Variants in LRP2 observed in about 807,000 individuals in gnomAD.
The protein encoded by LRP2 is LDL receptor related protein 2.
A neutral mutation model predicts 531.0 loss-of-function variants in LRP2; 172 were observed. The observed-to-expected ratio is 0.32, with a 90% CI of 0.29 to 0.37. The LOEUF (loss-of-function observed/expected upper bound fraction) is 0.37, where lower values mean the gene tolerates loss of function less well. Among genes scored for constraint, LRP2 ranks in the 10% least tolerant of loss-of-function variants. LRP2 has a pLI of 1.00. For missense variants in LRP2, 5,167 were observed against 5,868.3 expected (o/e 0.88, Z 3.90); for synonymous variants, 1,992 against 2,027.6 (o/e 0.98, Z 0.47).
intron 1 of LRP2, among the ~76,000 whole-genome samples, chr2:169,346,925 A>G (rs1327571974): frequency 6.6e-6 from 1 of 152,182 alleles, no homozygotes; most frequent in African/African-American, 2.4e-5. Context: ...AGAAGCTTTT[A>G]AGTTCTATCT....
intron 28 of LRP2, among the ~76,000 whole-genome samples, chr2:169,236,729 C>G (rs1486486597): frequency 1.3e-5 from 2 of 152,168 alleles, no homozygotes; most frequent in African/African-American, 4.8e-5. Flanking sequence ...GCAGAAAAAT[C>G]CAGCTTTTTT....
At chr2:169,258,901 G>A in intron 17 of LRP2, 124 bp downstream of exon 17, 1 of 857,088 alleles carries the variant, frequency 1.2e-6, no homozygotes, top group East Asian at 2.6e-5. Context: ...AATTTAAGGT[G>A]ATTTCAACTT....
rs1372075873 is a variant in LRP2, at chr2:169,128,455, GATATAC to G, written c.*202_*207del. The G allele has an allele frequency of 1.9e-6, 1 of 535,828 alleles. No homozygotes were observed. The highest frequency in any genetic ancestry group is 3.3e-5 in the East Asian group (1 of 30,160). 33.2% of individuals were successfully genotyped at this position (535,828 alleles called of 1,614,324 possible). ...TACCTTCAGACAACTTCAGTGCAAA[GATATAC>G]ATATAGTACATTGTGATAATTATTT... On this transcript the variant is annotated 3_prime_UTR_variant, in exon 79 of 79. Transcript: ENST00000649046.
At chr2:169,190,782 C>T (rs1382067465) in intron 48 of LRP2, among the ~76,000 whole-genome samples, 1 of 152,198 alleles carries the variant, frequency 6.6e-6, no homozygotes, top group African/African-American at 2.4e-5. Context: ...AACTCACCTT[C>T]CACCTTGAGC....
chr2:169,225,411 C>T lies in LRP2; in HGVS notation c.5437G>A (p.Val1813Ile), dbSNP rs765184654. 6 of 1,614,094 alleles carry T rather than the reference C, an allele frequency of 3.7e-6. No individual in the cohort carries two copies. In the East Asian group the frequency reaches 1.3e-4, roughly 36 times the overall value. ...CCCACCATAGATATAGAAGCAAATA[C>T]TGTCCTGTTGGTGCCATCTGTCTTC... ...RVKTDGTNRT[V>I]FASISMVGPS... Residue 1813 changes from valine to isoleucine, a missense_variant, in exon 33 of 79, where the codon GTA (valine) becomes ATA (isoleucine). Coordinates refer to ENST00000649046, the MANE Select transcript of LRP2 (RefSeq NM_004525.3).
Position 169,231,826 on chromosome 2 carries a change from G to A in LRP2, c.5115C>T (p.Ala1705=), listed in dbSNP as rs775377117. 2.8e-5 allele frequency: 45 copies of A among 1,613,918 alleles called. No individual in the cohort carries two copies. Among genetic ancestry groups the A allele is most frequent in the Non-Finnish European group, 1.0e-5 (12 of 1,179,982 alleles). ...GGCAGAGATGGCTGCAGCGGGAAAA[G>A]GCACATGGATTCACGGCTGCATGAG... is the stretch of plus-strand genomic sequence containing the variant. ...SKQPNSVNPC[A]FSRCSHLCLL... The change falls in exon 31 of 79, where the codon GCC becomes GCT. Residue 1705 remains alanine, a synonymous_variant. Coordinates refer to ENST00000649046, the MANE Select transcript of LRP2 (RefSeq NM_004525.3).
At chr2:169,280,232 C>T in intron 11 of LRP2, 118 bp downstream of exon 11, 1 of 1,095,070 alleles carries the variant, frequency 9.1e-7, no homozygotes, top group Non-Finnish European at 1.4e-6. Context: ...CATAAAATAT[C>T]TCAAGGGCCT....
chr2:169,129,197 G>A (rs1044499559), intron 77 of LRP2, 113 bp from the exon 78 acceptor site: 4 of 782,776 alleles, frequency 5.1e-6, no homozygotes, highest in Non-Finnish European at 9.1e-6. Context: ...AAGCAATTTG[G>A]GACCTGGGAC....
chr2:169,213,798 C>A lies in LRP2; in HGVS notation c.5899G>T (p.Ala1967Ser). 6.2e-7 allele frequency: 1 copy of A among 1,613,764 alleles called. No individual in the cohort carries two copies. The highest frequency in any genetic ancestry group is 1.1e-5 in the South Asian group (1 of 91,072). ...VHQLSHPWGI[A>S]VHDSFLYYTD... ...TAATAAAGGAAAGAATCATGGACTGCAATTCCCCAGGGGTGGGAAAGCTGG... is the reference window on the plus strand; with the variant it reads ...TAATAAAGGAAAGAATCATGGACTGAAATTCCCCAGGGGTGGGAAAGCTGG... The change falls in exon 36 of 79, where the codon GCA becomes TCA. Residue 1967 changes from alanine (A) to serine (S), a missense_variant. By Grantham distance (99) the Ala-to-Ser change is moderately conservative. Coordinates refer to ENST00000649046, the MANE Select transcript of LRP2 (RefSeq NM_004525.3).
chr2:169,157,639 C>G (rs747666750), intron 63 of LRP2, 137 bp from the exon 64 acceptor site: 17 of 904,060 alleles, frequency 1.9e-5, no homozygotes, highest in Non-Finnish European at 3.0e-5. Flanking sequence ...TTGGAGAGGA[C>G]AGAGGGCACT....
chr2:169,349,625 TG>T (rs1685790915), intron 1 of LRP2, among the ~76,000 whole-genome samples: 1 of 152,156 alleles, frequency 6.6e-6, no homozygotes, highest in African/African-American at 2.4e-5. Flanking sequence ...TCAGCTCCTT[TG>T]GGGTCTGCCT....
chr2:169,185,402 C>T, intron 50 of LRP2, 101 bp downstream of exon 50: 1 of 1,127,128 alleles, frequency 8.9e-7, no homozygotes, highest in Non-Finnish European at 1.3e-6. Flanking sequence ...AATGTATCTG[C>T]ATATTAACCC....
Position 169,307,493 on chromosome 2 carries a change from A to T in LRP2, c.311-96T>A. 8 of 786,076 alleles carry T rather than the reference A, an allele frequency of 1.0e-5. No individual in the cohort carries two copies. The South Asian group carries it at 1.2e-4, about 11-fold the overall frequency. The allele number at this position is 786,076 out of a possible 1,614,324, so 48.7% of individuals were successfully genotyped here. ...AAGGATATTGGAAAGCATAAAGTTC[A>T]TAGGGACACAAGGTAAAGTACCTGG... On this transcript the variant is annotated intron_variant, in intron 3 of 78. Coordinates refer to ENST00000649046, the MANE Select transcript of LRP2 (RefSeq NM_004525.3).
At chr2:169,273,221 T>A (rs890583555) in intron 14 of LRP2, among the ~76,000 whole-genome samples, 154 bp from the exon 15 acceptor site, 2 of 152,032 alleles carry the variant, frequency 1.3e-5, no homozygotes, top group African/African-American at 4.8e-5. Flanking sequence ...ACTGGATACA[T>A]CCACATCTGG....
chr2:169,239,324 A>G (rs906888007), intron 26 of LRP2, among the ~76,000 whole-genome samples: 9 of 152,052 alleles, frequency 5.9e-5, no homozygotes, highest in Non-Finnish European at 4.4e-5. Context: ...TTTAACCTCT[A>G]TTTTCCAAAA....
chr2:169,320,208 G>A (rs560289399), intron 2 of LRP2, among the ~76,000 whole-genome samples: 14 of 152,274 alleles, frequency 9.2e-5, no homozygotes, highest in African/African-American at 3.1e-4. Context: ...CAAAATGAAT[G>A]TGAAAGTCAT....
intron 77 of LRP2, among the ~76,000 whole-genome samples, chr2:169,132,284 T>C (rs1174324784): frequency 6.6e-6 from 1 of 152,214 alleles, no homozygotes; most frequent in Non-Finnish European, 1.5e-5. Flanking sequence ...TCAACTTAAA[T>C]GTCTCTGGTC....
rs1258592302 is a variant in LRP2 at position 169,151,035 on chromosome 2, A to G, written c.12462-9T>C. 2 of 1,613,848 alleles carry G rather than the reference A, an allele frequency of 1.2e-6. No individual in the cohort carries two copies. The highest frequency in any genetic ancestry group is 1.7e-6 in the Non-Finnish European group (2 of 1,179,776). On this transcript the variant is annotated splice_polypyrimidine_tract_variant and intron_variant, in intron 67 of 78. Transcript: ENST00000649046. ...CTGACCAGTAAATATGCCTGAATTC[A>G]GAGGGACAAAGTTAAACAACTGCAA...
At chr2:169,274,565 A>G (rs1158362905) in intron 14 of LRP2, among the ~76,000 whole-genome samples, 5 of 152,204 alleles carry the variant, frequency 3.3e-5, no homozygotes, top group African/African-American at 1.2e-4. Flanking sequence ...ATCAGAACCA[A>G]AGAACAGGTG....
Sources: gnomAD v4.1 joint callset for allele counts (sites outside exome capture counted in the v4.1 genomes callset) on GRCh38, gnomAD v4.1.1 for gene constraint, MANE v1.5 for transcripts, NCBI Gene and HGNC (gene_info 2026-07-23, HGNC 2026-07-21) for gene names.